The following PSIP1 variants were observed in gnomAD, a reference collection of about 807,000 sequenced individuals.
PSIP1 encodes the protein PC4 and SRSF1 interacting protein 1.
A neutral mutation model predicts 74.7 loss-of-function variants in PSIP1; 19 were observed. That is an observed-to-expected ratio of 0.25 (90% CI 0.18 to 0.37). The LOEUF is 0.37. PSIP1 is among the 10% of genes least tolerant of loss of function. PSIP1 has a pLI of 1.00. For synonymous variants in PSIP1, 222 were observed against 195.3 expected (o/e 1.14, Z -1.14); for missense variants, 601 against 614.3 (o/e 0.98, Z 0.23).
At chr9:15,466,361 AGAGT>A (rs2035626127) in intron 15 of PSIP1, among the ~76,000 whole-genome samples, 1 of 152,114 alleles carries the variant, frequency 6.6e-6, no homozygotes, top group East Asian at 1.9e-4. Context: ...CTGAGCAACA[AGAGT>A]GAAACTCTGT....
In PSIP1 at chr9:15,468,828, C is replaced by T. The variant is rs183152544; in HGVS notation, c.1222G>A (p.Val408Ile). The T allele has an allele frequency of 3.3e-5, 54 of 1,613,484 alleles. No homozygotes were observed. The Admixed American group carries it at 7.8e-4, about 23-fold the overall frequency. ...GACTTTTCCATGATTACCTGACTAA[C>T]TTTGAATCGCCGTATCTGAGAAAAC... ...TTLKKIRRFK[V>I]SQVIMEKSTM... The change falls in exon 14 of 16, where the codon GTT becomes ATT. Residue 408 changes from valine to isoleucine, a missense_variant. This residue lies in a region of PSIP1 where 538 missense variants were observed against 507.6 expected (regional missense o/e 1.06). Coordinates refer to ENST00000380733, the MANE Select transcript of PSIP1 (RefSeq NM_033222.5).
At chr9:15,478,437 T>G in intron 8 of PSIP1, 40 bp downstream of exon 8, 1 of 1,401,896 alleles carries the variant, frequency 7.1e-7, no homozygotes, top group Non-Finnish European at 1.0e-6. Context: ...AAGTCAAATG[T>G]CTCATTTATT....
chr9:15,469,051 T>A lies in PSIP1; in HGVS notation c.1112A>T (p.Asn371Ile), dbSNP rs750538558. The A allele has an allele frequency of 6.2e-7, 1 of 1,612,876 alleles. No homozygotes were observed. Among genetic ancestry groups the A allele is most frequent in the Non-Finnish European group, 8.5e-7 (1 of 1,179,370 alleles). ...NSLKIDNLDV[N>I]RCIEALDELA... ...TTCATCCAAGGCCTCAATGCATCTG[T>A]TCACATCCTTCATGACAAAACAGTA... Residue 371 changes from asparagine to isoleucine, a missense_variant, in exon 13 of 16, where the codon AAC becomes ATC. Coordinates refer to ENST00000380733, the MANE Select transcript of PSIP1 (RefSeq NM_033222.5).
Position 15,465,237 on chromosome 9 carries a change from C to A in PSIP1, c.*283G>T, listed in dbSNP as rs1164741422. 3 of 356,274 alleles carry A rather than the reference C, an allele frequency of 8.4e-6. No individual in the cohort carries two copies. Among genetic ancestry groups the A allele is most frequent in the African/African-American group, 2.1e-5 (1 of 47,256 alleles). The allele number at this position is 356,274 out of a possible 1,614,324, so 22.1% of individuals were successfully genotyped here. On this transcript the variant is annotated 3_prime_UTR_variant, in exon 16 of 16. Transcript: ENST00000380733. The stretch of plus-strand genomic sequence containing the variant: ...CTACTATCAATTACACATTAACATA[C>A]ACACACTAATTGAAAATATGCTACA...
chr9:15,491,744 A>G (rs111306203), intron 3 of PSIP1, among the ~76,000 whole-genome samples: 2,176 of 152,316 alleles, frequency 0.014, 43 homozygotes, highest in African/African-American at 0.05. Flanking sequence ...AAGAAATACC[A>G]GAGACTGGGT....
intron 10 of PSIP1, chr9:15,472,102 A>G: frequency 4.1e-6 from 4 of 983,414 alleles, no homozygotes; most frequent in Non-Finnish European, 4.8e-6. Flanking sequence ...ATCAAAATTT[A>G]AGAGAAAACA....
At chr9:15,479,946 G>C (rs1173435471) in intron 6 of PSIP1, among the ~76,000 whole-genome samples, 1 of 152,036 alleles carries the variant, frequency 6.6e-6, no homozygotes, top group Admixed American at 6.6e-5. Context: ...TAATATTCTT[G>C]ATGCGATATG....
intron 10 of PSIP1, chr9:15,472,125 A>C: frequency 1.0e-6 from 1 of 984,262 alleles, no homozygotes; most frequent in Non-Finnish European, 1.2e-6. Context: ...TTTGAATTTG[A>C]TTTATATTGC....
At chr9:15,472,585 C>A in intron 10 of PSIP1, 47 bp downstream of exon 10, 1 of 1,557,778 alleles carries the variant, frequency 6.4e-7, no homozygotes, top group Non-Finnish European at 8.6e-7. Context: ...AAATTCCATG[C>A]TAGCCTTTAA....
At chr9:15,502,743 C>T (rs995662413) in intron 3 of PSIP1, among the ~76,000 whole-genome samples, 5 of 152,210 alleles carry the variant, frequency 3.3e-5, no homozygotes, top group African/African-American at 1.2e-4. Context: ...AATACCAAGA[C>T]TTGGCTTCAG....
intron 14 of PSIP1, 24 bp downstream of exon 14, chr9:15,468,606 A>C: frequency 1.2e-6 from 2 of 1,605,880 alleles, no homozygotes; most frequent in Non-Finnish European, 1.7e-6. Context: ...ACTGGTGTGA[A>C]ATTGTTGGCT....
intron 6 of PSIP1, among the ~76,000 whole-genome samples, chr9:15,481,479 C>T (rs1249809056): frequency 6.6e-6 from 1 of 152,104 alleles, no homozygotes; most frequent in Non-Finnish European, 1.5e-5. Context: ...TAGCAGATCA[C>T]GAGGTCAGGA....
intron 1 of PSIP1, among the ~76,000 whole-genome samples, chr9:15,510,552 C>T (rs2037821796): frequency 6.6e-6 from 1 of 152,074 alleles, no homozygotes. Context: ...CAGAAATCGC[C>T]CGTCTGCCCG....
At chr9:15,472,941 AATC>A (rs889485636) in intron 9 of PSIP1, among the ~76,000 whole-genome samples, 191 bp from the exon 10 acceptor site, 1 of 152,216 alleles carries the variant, frequency 6.6e-6, no homozygotes, top group African/African-American at 2.4e-5. Context: ...ACCGTGAAAT[AATC>A]ATCTTGTTTT....
chr9:15,502,189 C>T (rs1382851922), intron 3 of PSIP1, among the ~76,000 whole-genome samples: 1 of 152,090 alleles, frequency 6.6e-6, no homozygotes, highest in Non-Finnish European at 1.5e-5. Context: ...TCCATTGCTG[C>T]TTTAAATCAT....
At chr9:15,487,789 A>G (rs950270337) in intron 4 of PSIP1, among the ~76,000 whole-genome samples, 1 of 152,214 alleles carries the variant, frequency 6.6e-6, no homozygotes, top group African/African-American at 2.4e-5. Flanking sequence ...GGCACACAGG[A>G]CATAAACCTT....
chr9:15,500,844 A>G (rs532512032), intron 3 of PSIP1, among the ~76,000 whole-genome samples: 1 of 152,360 alleles, frequency 6.6e-6, no homozygotes, highest in South Asian at 2.1e-4. Flanking sequence ...AGAACTAGGT[A>G]GGAATAGTCC....
At chr9:15,499,617 T>C (rs924053811) in intron 3 of PSIP1, among the ~76,000 whole-genome samples, 2 of 152,182 alleles carry the variant, frequency 1.3e-5, no homozygotes, top group Non-Finnish European at 2.9e-5. Flanking sequence ...CTCATGTCTG[T>C]AATCCCAACA....
At chr9:15,494,681 T>A (rs1233730267) in intron 3 of PSIP1, among the ~76,000 whole-genome samples, 1 of 152,134 alleles carries the variant, frequency 6.6e-6, no homozygotes, top group Non-Finnish European at 1.5e-5. Context: ...ATCCATGTAT[T>A]TTAACTGCAC....
Sources: gnomAD v4.1 joint callset for allele counts (sites outside exome capture counted in the v4.1 genomes callset) on GRCh38, gnomAD v4.1.1 for gene constraint, gnomAD v4.1.1 regional missense constraint, MANE v1.5 for transcripts, NCBI Gene and HGNC (gene_info 2026-07-23, HGNC 2026-07-21) for gene names.